Variants in DISC1 observed in about 807,000 individuals in gnomAD.
DISC1 encodes disrupted in schizophrenia 1 protein.
Under a neutral mutation model 84.5 loss-of-function variants are expected in DISC1, and 57 were observed. That is an observed-to-expected ratio of 0.67 (90% CI 0.55 to 0.84). The LOEUF (loss-of-function observed/expected upper bound fraction) is 0.84. Ranked by LOEUF, DISC1 falls within the 40% of genes least tolerant of loss-of-function variation. The pLI is 0.00. For missense variants in DISC1, 1,000 were observed against 1,057.8 expected (o/e 0.95, Z 0.76); for synonymous variants, 411 against 415.2 (o/e 0.99, Z 0.12).
Position 231,914,780 on chromosome 1 carries a change from C to T in DISC1, c.1982-44048C>T, listed in dbSNP as rs1024143907. Among the ~76,000 whole-genome samples, 13 of 152,176 alleles carry T rather than the reference C, an allele frequency of 8.5e-5. 1 individual carries two copies. Among genetic ancestry groups the T allele is most frequent in the South Asian group, 2.1e-4 (1 of 4,830 alleles). On this transcript the variant is annotated intron_variant, in intron 9 of 12. Coordinates refer to ENST00000439617, the MANE Select transcript of DISC1 (RefSeq NM_018662.3). ...AAAAACAGCTTGCACTGTAAGTCCA[C>T]GACATTTCTGTCCTACATTTTGCAA...
At chr1:231,856,346 T>C (rs1332065854) in intron 9 of DISC1, among the ~76,000 whole-genome samples, 7 of 152,004 alleles carry the variant, frequency 4.6e-5, no homozygotes, top group Non-Finnish European at 1.0e-4. Context: ...CCTATTCTGC[T>C]TCCCCTCTGT....
intron 9 of DISC1, among the ~76,000 whole-genome samples, chr1:231,859,170 G>T (rs1282841337): frequency 6.6e-6 from 1 of 152,200 alleles, no homozygotes; most frequent in Non-Finnish European, 1.5e-5. Flanking sequence ...TTTGCAATGT[G>T]CCCCATGTCT....
chr1:231,734,199 A>G (rs995945448), intron 3 of DISC1, among the ~76,000 whole-genome samples: 1 of 152,166 alleles, frequency 6.6e-6, no homozygotes, highest in Non-Finnish European at 1.5e-5. Flanking sequence ...CTGTGAAGAC[A>G]TACTTATAGA....
intron 11 of DISC1, among the ~76,000 whole-genome samples, chr1:232,024,499 C>G (rs1669264100): frequency 6.6e-6 from 1 of 152,076 alleles, no homozygotes; most frequent in South Asian, 2.1e-4. Flanking sequence ...TATTACCGCA[C>G]CTGGGCATTT....
chr1:231,903,078 T>G (rs116731680), intron 9 of DISC1, among the ~76,000 whole-genome samples: 2,607 of 151,764 alleles, frequency 0.017, 87 homozygotes, highest in African/African-American at 0.06. Flanking sequence ...ATTTTTTTTT[T>G]TTTGACAGAG....
chr1:231,858,819 C>G (rs1399487643), intron 9 of DISC1, among the ~76,000 whole-genome samples: 1 of 152,134 alleles, frequency 6.6e-6, no homozygotes, highest in Non-Finnish European at 1.5e-5. Context: ...CCAGGTTTCT[C>G]CAAGTATCTG....
At chr1:231,851,193 G>A (rs199777403) in intron 9 of DISC1, among the ~76,000 whole-genome samples, 158 of 152,192 alleles carry the variant, frequency 1.0e-3, no homozygotes, top group Non-Finnish European at 1.9e-3. Flanking sequence ...GATGACAAGA[G>A]CTTCTGAGTA....
At chr1:231,997,185 G>A (rs1412717754) in intron 10 of DISC1, among the ~76,000 whole-genome samples, 1 of 152,064 alleles carries the variant, frequency 6.6e-6, no homozygotes, top group Non-Finnish European at 1.5e-5. Context: ...AGAAGTTTGG[G>A]GACTACCCTC....
chr1:231,777,632 G>T (rs552301192), intron 6 of DISC1, among the ~76,000 whole-genome samples: 7 of 152,290 alleles, frequency 4.6e-5, no homozygotes, highest in Non-Finnish European at 7.4e-5. Context: ...ATGCTGGCCA[G>T]ATGGGTGCCC....
At chr1:231,944,340 A>G (rs1001326905) in intron 9 of DISC1, among the ~76,000 whole-genome samples, 1 of 152,140 alleles carries the variant, frequency 6.6e-6, no homozygotes, top group Non-Finnish European at 1.5e-5. Context: ...TCAGCCTTTC[A>G]GGTTTGTGGG....
At chr1:231,963,755 A>G (rs1002505584) in intron 10 of DISC1, among the ~76,000 whole-genome samples, 4 of 152,214 alleles carry the variant, frequency 2.6e-5, no homozygotes, top group Non-Finnish European at 5.9e-5. Flanking sequence ...AGCTTCGGCA[A>G]GACTCACGTC....
At chr1:231,707,939 A>T (rs1490873463) in intron 3 of DISC1, among the ~76,000 whole-genome samples, 1 of 152,236 alleles carries the variant, frequency 6.6e-6, no homozygotes, top group Non-Finnish European at 1.5e-5. Flanking sequence ...TGGAATTCTG[A>T]AAACCAAATG....
chr1:231,892,930 C>T (rs1026702661), intron 9 of DISC1, among the ~76,000 whole-genome samples: 1 of 152,022 alleles, frequency 6.6e-6, no homozygotes, highest in Non-Finnish European at 1.5e-5. Context: ...GGGAGGCCGA[C>T]TCAGGTGGAT....
intron 11 of DISC1, among the ~76,000 whole-genome samples, chr1:232,023,969 T>G (rs946285474): frequency 6.6e-6 from 1 of 151,974 alleles, no homozygotes; most frequent in Non-Finnish European, 1.5e-5. Flanking sequence ...CTGTGTAATC[T>G]CCTACCCTCA....
At chr1:231,925,077 A>AGGTTC (rs1020618971) in intron 9 of DISC1, among the ~76,000 whole-genome samples, 4 of 151,296 alleles carry the variant, frequency 2.6e-5, no homozygotes, top group African/African-American at 9.7e-5. Flanking sequence ...CTGCACTTAG[A>AGGTTC]GGTTCGTGTT....
intron 7 of DISC1, among the ~76,000 whole-genome samples, chr1:231,798,036 T>A (rs1277238941): frequency 3.3e-5 from 5 of 151,398 alleles, no homozygotes; most frequent in African/African-American, 1.2e-4. Flanking sequence ...TACTTTAAAC[T>A]AGATTGACCA....
At chr1:231,688,870 C>T (rs889444659) in intron 1 of DISC1, among the ~76,000 whole-genome samples, 5 of 152,110 alleles carry the variant, frequency 3.3e-5, no homozygotes, top group African/African-American at 1.2e-4. Context: ...TTTATTCCAC[C>T]CCCAGCTTGC....
At chr1:231,974,081 A>C (rs1157157775) in intron 10 of DISC1, among the ~76,000 whole-genome samples, 1 of 151,984 alleles carries the variant, frequency 6.6e-6, no homozygotes, top group Non-Finnish European at 1.5e-5. Flanking sequence ...TCAAGTCACC[A>C]TCTCCAAAGC....
At chr1:231,934,899 C>T (rs1041697263) in intron 9 of DISC1, among the ~76,000 whole-genome samples, 5 of 152,232 alleles carry the variant, frequency 3.3e-5, no homozygotes, top group Middle Eastern at 3.4e-3. Context: ...ATTTAGAGAG[C>T]GGTTTGGTGA....
Sources: allele counts gnomAD v4.1 joint callset (sites outside exome capture counted in the v4.1 genomes callset), GRCh38; gene constraint gnomAD v4.1.1; transcripts MANE v1.5; gene names NCBI Gene and HGNC (gene_info 2026-07-23, HGNC 2026-07-21).